UNK: variants seen among roughly 807,000 people sequenced by gnomAD.
UNK encodes the protein RING finger protein unkempt homolog.
In UNK, 32 loss-of-function variants were observed where a neutral mutation model predicts 97.6. The observed-to-expected ratio is 0.33, with a 90% CI of 0.25 to 0.44. UNK has a LOEUF of 0.44. Ranked by LOEUF, UNK falls within the 20% of genes least tolerant of loss-of-function variation. The pLI is 1.00. For missense variants in UNK, 771 were observed against 1,098.4 expected (o/e 0.70, Z 4.21); for synonymous variants, 441 against 461.2 (o/e 0.96, Z 0.56).
In UNK at chr17:75,809,854, G is replaced by A. The variant is rs994826789; in HGVS notation, c.199G>A (p.Val67Met). 1.1e-5 allele frequency: 17 copies of A among 1,613,808 alleles called. No individual in the cohort carries two copies. The highest frequency in any genetic ancestry group is 4.4e-5 in the South Asian group (4 of 91,090). Residue 67 changes from valine to methionine, a missense_variant, in exon 2 of 16, where the codon GTG (valine) becomes ATG (methionine). Val to Met is a conservative substitution (Grantham distance 21). This residue lies in a region of UNK where 246 missense variants were observed against 440.7 expected (regional missense o/e 0.56). Transcript: ENST00000589666. ...CTACACCTGCTTCCACTGGCACTTC[G>A]TGAACCAGCGGCGCCGCCGGTCCAT... is the stretch of plus-strand genomic sequence containing the variant. ...RPYTCFHWHF[V>M]NQRRRRSIRR...
Position 75,824,451 on chromosome 17 carries a change from T to G in UNK, c.*34T>G. ...GCCTGGCCCAGCCTGGCCCAGATCT[T>G]CTCACCTAGGACTTTTTAAAGTATA... On this transcript the variant is annotated 3_prime_UTR_variant, in exon 16 of 16. Transcript: ENST00000589666. The surrounding 1 kb of genome is among the most constrained non-coding windows in gnomAD (Gnocchi z 4.9). 1 of 1,402,570 alleles carries G rather than the reference T, an allele frequency of 7.1e-7. No individual in the cohort carries two copies. Among genetic ancestry groups the G allele is most frequent in the East Asian group, 2.9e-5 (1 of 34,464 alleles). 86.9% of individuals were successfully genotyped at this position (1,402,570 alleles called of 1,614,324 possible). A position where few individuals can be genotyped will look rare whatever the true frequency, so the allele number is the denominator to read the frequency against.
intron 1 of UNK, among the ~76,000 whole-genome samples, chr17:75,805,667 C>T (rs2061906022): frequency 6.6e-6 from 1 of 151,342 alleles, no homozygotes; most frequent in African/African-American, 2.4e-5. Context: ...GGCATGGGGG[C>T]ACGCGCCTAT....
chr17:75,806,102 CAAAAA>C (rs112228363), intron 1 of UNK, among the ~76,000 whole-genome samples: 1 of 68,472 alleles, frequency 1.5e-5, no homozygotes. Context: ...GACTCCGTCT[CAAAAA>C]AAAAAAAAAA....
rs774346420 is a variant in UNK at position 75,823,328 on chromosome 17, G to C, written c.2083G>C (p.Glu695Gln). ...TGAGCGGGCCAGTGCGGCGGGCGCC[G>C]AGTGCGAGCTGGCCCGGGAGCAGCG... Reference protein sequence around the residue: ...AGERASAAGAECELAREQRDA... With the variant: ...AGERASAAGAQCELAREQRDA... Residue 695 changes from glutamate (E) to glutamine (Q), a missense_variant, in exon 15 of 16, where the codon GAG becomes CAG. Glu to Gln is a conservative substitution (Grantham distance 29). Transcript: ENST00000589666. 1 of 1,610,876 alleles carries C rather than the reference G, an allele frequency of 6.2e-7. No individual in the cohort carries two copies. The highest frequency in any genetic ancestry group is 2.2e-5 in the East Asian group (1 of 44,864).
In UNK at chr17:75,819,981, C is replaced by T. The variant is rs2062052199; in HGVS notation, c.1710C>T (p.Ala570=). The T allele has an allele frequency of 6.2e-7, 1 of 1,613,356 alleles. No individual in the cohort carries two copies. Among genetic ancestry groups the T allele is most frequent in the Non-Finnish European group, 8.5e-7 (1 of 1,179,500 alleles). Residue 570 remains alanine (A), a synonymous_variant, in exon 13 of 16, where the codon GCC becomes GCT. Transcript: ENST00000589666. The surrounding 1 kb of genome is among the most constrained non-coding windows in gnomAD (Gnocchi z 5.4). ...VNIPGSLGSS[A]SFHSASPSPP... ...TCCCCGGCTCCTTGGGCAGCTCTGC[C>T]TCCTTCCACTCAGCATCCCCGTCCC...
At chr17:75,795,779 G>C (rs1182863888) in intron 1 of UNK, among the ~76,000 whole-genome samples, 2 of 152,172 alleles carry the variant, frequency 1.3e-5, no homozygotes, top group African/African-American at 4.8e-5. Flanking sequence ...ACCAGCTCTA[G>C]GCCCCACAGG....
intron 1 of UNK, among the ~76,000 whole-genome samples, chr17:75,798,811 A>G (rs2061830074): frequency 2.0e-5 from 3 of 152,082 alleles, no homozygotes; most frequent in Admixed American, 2.0e-4. Context: ...TCACGCCTGT[A>G]ATCCCAGCAC....
At chr17:75,789,539 T>C (rs191509603) in intron 1 of UNK, among the ~76,000 whole-genome samples, 259 of 152,182 alleles carry the variant, frequency 1.7e-3, no homozygotes, top group Non-Finnish European at 3.2e-3. Context: ...GGTTTCACTG[T>C]GTTAGCCAGG....
At chr17:75,799,717 T>C (rs2061838424) in intron 1 of UNK, among the ~76,000 whole-genome samples, 1 of 152,132 alleles carries the variant, frequency 6.6e-6, no homozygotes. Context: ...ATTCACATAG[T>C]GCAGTAGGAA....
intron 1 of UNK, chr17:75,785,265 G>T: frequency 2.5e-6 from 1 of 398,532 alleles, no homozygotes; most frequent in Non-Finnish European, 4.5e-6. Flanking sequence ...AGGCCTTCGA[G>T]GCCTAACTGT....
Position 75,813,154 on chromosome 17 carries a change from C to T in UNK, c.699C>T (p.Ala233=). 6.3e-7 allele frequency: 1 copy of T among 1,592,222 alleles called. No homozygotes were observed. Among genetic ancestry groups the T allele is most frequent in the South Asian group, 1.1e-5 (1 of 87,782 alleles). Residue 233 remains alanine (A), a synonymous_variant, in exon 5 of 16, where the codon GCC becomes GCT. Transcript: ENST00000589666. ...CGCGGCTGTGCCGCCAAGGCTATGC[C>T]TGTCCCTACTACCACAACAGCAAGG... ...KPPRLCRQGY[A]CPYYHNSKDR... is the part of the protein sequence containing the mutation.
intron 2 of UNK, among the ~76,000 whole-genome samples, chr17:75,811,658 C>T (rs546279307): frequency 6.6e-6 from 1 of 152,274 alleles, no homozygotes; most frequent in African/African-American, 2.4e-5. Context: ...TGCCTTCTTC[C>T]TAGTGCACCT....
chr17:75,823,742 A>T (rs1269730464), intron 15 of UNK, among the ~76,000 whole-genome samples: 8 of 152,134 alleles, frequency 5.3e-5, no homozygotes. Context: ...TGCCACCCCC[A>T]GCACCCCTGA....
chr17:75,824,558 G>A lies in UNK; in HGVS notation c.*141G>A. On this transcript the variant is annotated 3_prime_UTR_variant, in exon 16 of 16. Coordinates refer to ENST00000589666, the MANE Select transcript of UNK (RefSeq NM_001080419.3). The surrounding 1 kb of genome is among the most constrained non-coding windows in gnomAD (Gnocchi z 4.9). ...TATGTATATGTATACATTTCCGTAT[G>A]TATGTATATGTATACATTTCCGTAT... 1 of 595,990 alleles carries A rather than the reference G, an allele frequency of 1.7e-6. No individual in the cohort carries two copies. The highest frequency in any genetic ancestry group is 2.2e-6 in the Non-Finnish European group (1 of 445,730). The allele number at this position is 595,990 out of a possible 1,614,324, so 36.9% of individuals were successfully genotyped here. A position where few individuals can be genotyped will look rare whatever the true frequency, so the allele number is the denominator to read the frequency against.
rs910387038 is a variant in UNK at position 75,819,841 on chromosome 17, C to T, written c.1648+56C>T. ...GAGGACTCCTCGGGTTCCTGCCTGG[C>T]TCAGGCCCCTTGCTCTGTGTGGCCC... On this transcript the variant is annotated intron_variant, in intron 12 of 15. Transcript: ENST00000589666. The surrounding 1 kb of genome is among the most constrained non-coding windows in gnomAD (Gnocchi z 5.4). 3 of 1,609,440 alleles carry T rather than the reference C, an allele frequency of 1.9e-6. No homozygotes were observed. Among genetic ancestry groups the T allele is most frequent in the Non-Finnish European group, 2.5e-6 (3 of 1,177,508 alleles).
At position 75,819,563 on chromosome 17, in the gene UNK, G is replaced by T; in HGVS notation, c.1547-121G>T. On this transcript the variant is annotated intron_variant, in intron 11 of 15. Transcript: ENST00000589666. This position sits in a 1 kb window ranked among gnomAD's most constrained non-coding sequence, Gnocchi z 5.4. ...GAAGCAGCTGAAGGAAGGGCACAGG[G>T]GCTTGGGAGAATACGGACCCAGCGT... The T allele has an allele frequency of 2.3e-6, 2 of 887,626 alleles. No homozygotes were observed. Among genetic ancestry groups the T allele is most frequent in the Admixed American group, 2.0e-5 (1 of 48,944 alleles). The allele number at this position is 887,626 out of a possible 1,614,324, so 55.0% of individuals were successfully genotyped here.
At chr17:75,798,445 T>G (rs2143707685) in intron 1 of UNK, among the ~76,000 whole-genome samples, 1 of 152,224 alleles carries the variant, frequency 6.6e-6, no homozygotes, top group African/African-American at 2.4e-5. Flanking sequence ...CCTCAGGTGA[T>G]CTACCCACCT....
intron 1 of UNK, among the ~76,000 whole-genome samples, chr17:75,804,827 C>T (rs1033964793): frequency 5.3e-5 from 8 of 149,748 alleles, no homozygotes; most frequent in Admixed American, 1.3e-4. Context: ...GTCAACAGAG[C>T]GAGACTCTGT....
intron 1 of UNK, chr17:75,794,206 G>A: frequency 1.0e-6 from 1 of 961,228 alleles, no homozygotes; most frequent in Non-Finnish European, 1.2e-6. Flanking sequence ...GAACATTTCT[G>A]TTTTTATTTC....
Sources: allele counts gnomAD v4.1 joint callset (sites outside exome capture counted in the v4.1 genomes callset), GRCh38; gene constraint gnomAD v4.1.1; regional missense constraint gnomAD v4.1.1; non-coding constraint Gnocchi (gnomAD v3.1); transcripts MANE v1.5; gene names NCBI Gene and HGNC (gene_info 2026-07-23, HGNC 2026-07-21).